The following ACO1 variants were observed in gnomAD, a reference collection of about 807,000 sequenced individuals.
ACO1 encodes the protein aconitase 1, also known as cytoplasmic aconitate hydratase.
ACO1 carries 78 observed loss-of-function variants against 105.1 expected under a neutral mutation model. That is an observed-to-expected ratio of 0.74 (90% CI 0.62 to 0.90). ACO1 has a LOEUF of 0.90. ACO1 is among the 40% of genes least tolerant of loss of function. ACO1 has a pLI of 0.00. For synonymous variants in ACO1, 364 were observed against 397.4 expected, an observed-to-expected ratio of 0.92 and a Z score of 1.00; for missense variants, 965 against 1,111.1, an observed-to-expected ratio of 0.87 and a Z score of 1.87.
intron 1 of ACO1, among the ~76,000 whole-genome samples, chr9:32,394,135 C>T (rs1821321855): frequency 6.6e-6 from 1 of 152,350 alleles, no homozygotes; most frequent in African/African-American, 2.4e-5. Flanking sequence ...CACAATGTCA[C>T]ACTTTTGTGC....
chr9:32,425,607 C>G (rs1822072365), intron 10 of ACO1, among the ~76,000 whole-genome samples: 1 of 152,198 alleles, frequency 6.6e-6, no homozygotes, highest in Admixed American at 6.5e-5. Context: ...GATATCATGA[C>G]TGCTTTTTGT....
rs1207381857 is a variant in ACO1, at chr9:32,408,569, G to C, written c.322G>C (p.Gly108Arg). 6.2e-7 allele frequency: 1 copy of C among 1,614,168 alleles called. No individual in the cohort carries two copies. Among genetic ancestry groups the C allele is most frequent in the Admixed American group, 1.7e-5 (1 of 60,020 alleles). The change falls in exon 4 of 21, where the codon GGA becomes CGA. Residue 108 changes from glycine (G) to arginine (R), a missense_variant. Transcript: ENST00000309951. ...AAMRDAVKKLGGDPEKINPVC... is the reference protein window; with the variant it reads ...AAMRDAVKKLRGDPEKINPVC... ...AATGCGTGATGCTGTGAAAAAGTTAGGAGGAGATCCAGAGAAAATAAACCC... is the reference window on the plus strand; with the variant it reads ...AATGCGTGATGCTGTGAAAAAGTTACGAGGAGATCCAGAGAAAATAAACCC...
intron 13 of ACO1, among the ~76,000 whole-genome samples, chr9:32,429,977 G>C (rs1172050244): frequency 6.6e-6 from 1 of 152,206 alleles, no homozygotes; most frequent in African/African-American, 2.4e-5. Flanking sequence ...CCACACAAAC[G>C]AATCTAAACT....
At chr9:32,438,589 T>C (rs900899236) in intron 18 of ACO1, among the ~76,000 whole-genome samples, 6 of 152,098 alleles carry the variant, frequency 3.9e-5, no homozygotes, top group Non-Finnish European at 8.8e-5. Flanking sequence ...GTTTAATTAA[T>C]GGGTAAGGAC....
At position 32,420,876 on chromosome 9, in the gene ACO1, A is replaced by G; in HGVS notation, c.819A>G (p.Val273=). ...CTTAGCACCTCCGCCAGGTTGGGGT[A>G]GTGGGCAAATTTGTCGAGTTCTTCG... ...TITKHLRQVG[V]VGKFVEFFGP... The change falls in exon 8 of 21, where the codon GTA becomes GTG. Residue 273 remains valine (V), a synonymous_variant. Coordinates refer to ENST00000309951, the MANE Select transcript of ACO1 (RefSeq NM_002197.3). The G allele has an allele frequency of 6.2e-7, 1 of 1,613,890 alleles. No homozygotes were observed. The highest frequency in any genetic ancestry group is 8.5e-7 in the Non-Finnish European group (1 of 1,179,800).
At chr9:32,426,471 A>C (rs1039830968) in intron 11 of ACO1, among the ~76,000 whole-genome samples, 1 of 152,176 alleles carries the variant, frequency 6.6e-6, no homozygotes, top group Non-Finnish European at 1.5e-5. Context: ...TAATATTTAC[A>C]TATGTGGTTT....
At chr9:32,385,347 T>C (rs1048803292) in intron 1 of ACO1, among the ~76,000 whole-genome samples, 3 of 152,168 alleles carry the variant, frequency 2.0e-5, no homozygotes, top group African/African-American at 7.2e-5. Context: ...CACATGTAAC[T>C]CTCTTCCCTG....
rs75535761 is a variant in ACO1 at position 32,448,672 on chromosome 9, C to T, written c.2371-224C>T. Among the ~76,000 whole-genome samples the T allele has an allele frequency of 5.9e-5, 9 of 152,226 alleles. No individual in the cohort carries two copies. In the East Asian group the frequency reaches 1.7e-3, roughly 29 times the overall value. The stretch of plus-strand genomic sequence containing the variant: ...GCCCCACCCCACTTGAGCGCATCCT[C>T]CATGGGCTGCACCCACTGTCCAACC... On this transcript the variant is annotated intron_variant, in intron 19 of 20. Transcript: ENST00000309951.
intron 1 of ACO1, among the ~76,000 whole-genome samples, chr9:32,398,795 A>T (rs116901598): frequency 0.02 from 3,000 of 152,056 alleles, 54 homozygotes; most frequent in Non-Finnish European, 0.026. Flanking sequence ...TGGTCTCGCT[A>T]TGTTGCCCAG....
chr9:32,394,179 T>C (rs1257870117), intron 1 of ACO1, among the ~76,000 whole-genome samples: 2 of 152,214 alleles, frequency 1.3e-5, no homozygotes, highest in African/African-American at 2.4e-5. Context: ...CAGCTTATTC[T>C]TTCAGTGACT....
intron 15 of ACO1, among the ~76,000 whole-genome samples, chr9:32,432,302 C>T (rs749703534): frequency 5.9e-5 from 9 of 152,282 alleles, no homozygotes; most frequent in Non-Finnish European, 1.0e-4. Flanking sequence ...TAAAACTTTC[C>T]GTGCATTTTA....
intron 1 of ACO1, among the ~76,000 whole-genome samples, chr9:32,397,862 C>G (rs531286337): frequency 1.3e-5 from 2 of 152,158 alleles, no homozygotes; most frequent in Admixed American, 6.5e-5. Flanking sequence ...TAAATCCACT[C>G]TTAGGTGTCT....
intron 18 of ACO1, among the ~76,000 whole-genome samples, chr9:32,438,635 A>G (rs1822413106): frequency 6.6e-6 from 1 of 152,276 alleles, no homozygotes. Flanking sequence ...AATGAAAATT[A>G]GTAATTTTCA....
At chr9:32,426,979 T>TA (rs35503711) in intron 11 of ACO1, among the ~76,000 whole-genome samples, 3 of 150,826 alleles carry the variant, frequency 2.0e-5, no homozygotes, top group Non-Finnish European at 2.9e-5. Context: ...ATTTTCCCTC[T>TA]AAAAAAAAAA....
rs1205380213 is a variant in ACO1, at chr9:32,395,007, T to A, written c.-23+10272T>A. The stretch of plus-strand genomic sequence containing the variant: ...TGTGGTGATGGCCTTTCTTTCTAAT[T>A]CCTAATTCCTAAAGTTTGAGTTAGA... On this transcript the variant is annotated intron_variant, in intron 1 of 20. Transcript: ENST00000309951. Among the ~76,000 whole-genome samples the A allele has an allele frequency of 2.0e-5, 3 of 152,160 alleles. No homozygotes were observed. The East Asian group carries it at 5.8e-4, about 29-fold the overall frequency.
In ACO1 at chr9:32,423,366, G is replaced by C; in HGVS notation, c.1018G>C (p.Val340Leu). The change falls in exon 9 of 21, where the codon GTA (valine) becomes CTA (leucine). Residue 340 changes from valine to leucine, a missense_variant. Transcript: ENST00000309951. ...LKYIKKYLQA[V>L]GMFRDFNDPS... ...GTATATTAAAAAATATCTTCAGGCT[G>C]TAGGAATGTTTCGAGATTTCAATGA... The C allele has an allele frequency of 4.4e-6, 7 of 1,597,748 alleles. No homozygotes were observed. Among genetic ancestry groups the C allele is most frequent in the Non-Finnish European group, 6.0e-6 (7 of 1,174,510 alleles).
intron 19 of ACO1, among the ~76,000 whole-genome samples, chr9:32,442,350 A>G (rs1406111540): frequency 2.6e-5 from 4 of 152,116 alleles, no homozygotes; most frequent in African/African-American, 4.8e-5. Context: ...TATGTTTTCA[A>G]CAAGCTCCTA....
At chr9:32,399,310 G>A (rs1399051499) in intron 1 of ACO1, among the ~76,000 whole-genome samples, 5 of 152,194 alleles carry the variant, frequency 3.3e-5, no homozygotes, top group African/African-American at 1.2e-4. Flanking sequence ...GTTTACAAAA[G>A]AAGAAGTTTA....
chr9:32,391,684 T>C (rs1434090170), intron 1 of ACO1, among the ~76,000 whole-genome samples: 2 of 152,244 alleles, frequency 1.3e-5, no homozygotes, highest in East Asian at 3.8e-4. Context: ...CTTGTCATCC[T>C]TTCTATAACT....
Sources: allele counts gnomAD v4.1 joint callset (sites outside exome capture counted in the v4.1 genomes callset), GRCh38; gene constraint gnomAD v4.1.1; transcripts MANE v1.5; gene names NCBI Gene and HGNC (gene_info 2026-07-23, HGNC 2026-07-21).